COPG2: variants seen among roughly 807,000 people sequenced by gnomAD.
The protein encoded by COPG2 is coat protein complex I subunit gamma 2.
A neutral mutation model predicts 46.3 loss-of-function variants in COPG2; 37 were observed. That is an observed-to-expected ratio of 0.80 (90% CI 0.61 to 1.05). The LOEUF is 1.05. COPG2 is among the 50% of genes least tolerant of loss of function. The probability of loss-of-function intolerance (pLI) is 0.00; values close to 1 mark genes in which losing one functional copy is unlikely to be tolerated. For missense variants in COPG2, 427 were observed against 387.8 expected, an observed-to-expected ratio of 1.10 and a Z score of -0.85; for synonymous variants, 159 against 129.7, an observed-to-expected ratio of 1.23 and a Z score of -1.53.
At chr7:130,572,048 C>T (rs1489177832) in intron 9 of COPG2, among the ~76,000 whole-genome samples, 9 of 151,802 alleles carry the variant, frequency 5.9e-5, no homozygotes, top group South Asian at 2.1e-4. Flanking sequence ...GCTATGAGGA[C>T]GCAAAGGCAT....
intron 20 of COPG2, among the ~76,000 whole-genome samples, chr7:130,528,013 G>A (rs941079867): frequency 0.02 from 3,010 of 152,194 alleles, 54 homozygotes; most frequent in East Asian, 0.069. Context: ...GAGGAAAGGC[G>A]CAAAGGGGAA....
intron 5 of COPG2, among the ~76,000 whole-genome samples, chr7:130,618,436 A>C (rs1455899927): frequency 6.6e-6 from 1 of 151,986 alleles, no homozygotes; most frequent in Non-Finnish European, 1.5e-5. Context: ...TTTTCTTTTT[A>C]TTTTTCCATT....
chr7:130,633,873 A>T (rs1230871643), intron 5 of COPG2, among the ~76,000 whole-genome samples: 1 of 152,150 alleles, frequency 6.6e-6, no homozygotes, highest in Admixed American at 6.5e-5. Context: ...TAAGTCTTTA[A>T]TCCATTTTGA....
intron 5 of COPG2, among the ~76,000 whole-genome samples, chr7:130,638,501 T>C (rs1795390999): frequency 6.6e-6 from 1 of 152,124 alleles, no homozygotes; most frequent in African/African-American, 2.4e-5. Flanking sequence ...CAGTTCAAAC[T>C]TCTGGGCACC....
At chr7:130,609,804 T>C (rs1314780816) in intron 9 of COPG2, among the ~76,000 whole-genome samples, 1 of 152,224 alleles carries the variant, frequency 6.6e-6, no homozygotes, top group African/African-American at 2.4e-5. Flanking sequence ...TTCAAATAAA[T>C]TTTTATTTTT....
In COPG2 at chr7:130,662,981, A is replaced by G; in HGVS notation, c.229T>C (p.Phe77Leu). Residue 77 changes from phenylalanine (F) to leucine (L), a missense_variant, in exon 4 of 24, where the codon TTT becomes CTT. By Grantham distance (22) the Phe-to-Leu change is conservative. Coordinates refer to ENST00000425248, the MANE Select transcript of COPG2 (RefSeq NM_012133.6). ...AAAAGACTTACATCATTAGATTGAA[A>G]CAATCGCGTCATTGCAAAGAAGGCT... The part of the protein sequence containing the change: ...TEAFFAMTRL[F>L]QSNDQTLRRM... 1.3e-6 allele frequency: 2 copies of G among 1,548,092 alleles called. No individual in the cohort carries two copies. The highest frequency in any genetic ancestry group is 1.7e-6 in the Non-Finnish European group (2 of 1,146,456).
chr7:130,551,519 A>T (rs1793534446), intron 15 of COPG2, among the ~76,000 whole-genome samples, 175 bp from the exon 16 acceptor site: 1 of 152,230 alleles, frequency 6.6e-6, no homozygotes. Flanking sequence ...TACTGCTCTG[A>T]ATTACTAAAG....
intron 20 of COPG2, among the ~76,000 whole-genome samples, chr7:130,536,731 C>T (rs897539604): frequency 2.0e-5 from 3 of 152,124 alleles, no homozygotes; most frequent in South Asian, 2.1e-4. Flanking sequence ...AGGATGACAG[C>T]GAGCAAATGG....
chr7:130,605,280 T>C (rs1554451068), intron 9 of COPG2: 2 of 519,430 alleles, frequency 3.9e-6, no homozygotes, highest in South Asian at 2.8e-5. Flanking sequence ...CTGATTCAGT[T>C]ATTGCACTTG....
chr7:130,658,448 A>G (rs1795900006), intron 4 of COPG2, among the ~76,000 whole-genome samples: 1 of 152,120 alleles, frequency 6.6e-6, no homozygotes, highest in East Asian at 1.9e-4. Context: ...AATGTTCTAA[A>G]CCTCAATTGT....
intron 11 of COPG2, among the ~76,000 whole-genome samples, chr7:130,562,812 T>C (rs1315703887): frequency 7.9e-5 from 12 of 152,328 alleles, no homozygotes; most frequent in Admixed American, 7.2e-4. Context: ...ATATTACATA[T>C]GTGATTCACA....
intron 5 of COPG2, among the ~76,000 whole-genome samples, chr7:130,637,882 T>C (rs1247521745): frequency 6.6e-6 from 1 of 152,202 alleles, no homozygotes; most frequent in Non-Finnish European, 1.5e-5. Context: ...GTCTTTGATG[T>C]TGGTGACCTT....
At chr7:130,630,930 C>T (rs1438621285) in intron 5 of COPG2, among the ~76,000 whole-genome samples, 1 of 152,122 alleles carries the variant, frequency 6.6e-6, no homozygotes, top group Non-Finnish European at 1.5e-5. Flanking sequence ...GTAGTTCCAA[C>T]TACTTGGGAG....
intron 20 of COPG2, among the ~76,000 whole-genome samples, chr7:130,521,785 CAGA>C (rs1799726188): frequency 6.6e-6 from 1 of 151,770 alleles, no homozygotes; most frequent in African/African-American, 2.4e-5. Context: ...ACAATGAGGT[CAGA>C]AGAACAAGAG....
At chr7:130,664,216 C>T (rs900797627) in intron 3 of COPG2, among the ~76,000 whole-genome samples, 2 of 152,180 alleles carry the variant, frequency 1.3e-5, no homozygotes, top group African/African-American at 2.4e-5. Context: ...ATACGTTACA[C>T]TCAATCACTT....
At chr7:130,534,441 A>G (rs1799859460) in intron 20 of COPG2, among the ~76,000 whole-genome samples, 1 of 152,118 alleles carries the variant, frequency 6.6e-6, no homozygotes, top group African/African-American at 2.4e-5. Flanking sequence ...CAAGAGTGGG[A>G]GAAAGATATG....
chr7:130,520,083 T>C (rs36177855), intron 20 of COPG2, among the ~76,000 whole-genome samples: 70,764 of 152,000 alleles, frequency 0.47, 18,056 homozygotes, highest in East Asian at 0.6. Context: ...ATGAATGCTA[T>C]TGGTTGAGGA....
intron 20 of COPG2, among the ~76,000 whole-genome samples, chr7:130,514,813 G>T (rs1799665701): frequency 6.6e-6 from 1 of 152,188 alleles, no homozygotes; most frequent in Non-Finnish European, 1.5e-5. Flanking sequence ...TTCTGAAAAG[G>T]TGGCGTGGTA....
intron 14 of COPG2, among the ~76,000 whole-genome samples, chr7:130,553,389 T>C (rs1178019006): frequency 6.6e-6 from 1 of 152,048 alleles, no homozygotes; most frequent in Non-Finnish European, 1.5e-5. Flanking sequence ...TATGTGAGTC[T>C]AGAAGCAGTC....
Sources: allele counts gnomAD v4.1 joint callset (sites outside exome capture counted in the v4.1 genomes callset), GRCh38; gene constraint gnomAD v4.1.1; transcripts MANE v1.5; gene names NCBI Gene and HGNC (gene_info 2026-07-23, HGNC 2026-07-21).